Variants in ZNF518A observed in about 807,000 individuals in gnomAD.
The protein encoded by ZNF518A is zinc finger protein 518A, also known as zinc finger protein 518.
In ZNF518A, 47 loss-of-function variants were observed where a neutral mutation model predicts 102.7. That is an observed-to-expected ratio of 0.46 (90% CI 0.36 to 0.58). ZNF518A has a LOEUF of 0.58. ZNF518A is among the 20% of genes least tolerant of loss of function. The pLI, the probability that ZNF518A is intolerant of heterozygous loss-of-function variation, is 0.00. For synonymous variants in ZNF518A, 652 were observed against 594.6 expected (o/e 1.10, Z -1.40); for missense variants, 1,793 against 1,699.8 (o/e 1.05, Z -0.96).
chr10:96,194,338 AT>A (rs1353637385), intron 1 of ZNF518A, among the ~76,000 whole-genome samples: 10 of 152,228 alleles, frequency 6.6e-5, no homozygotes, highest in Non-Finnish European at 1.3e-4. Flanking sequence ...AGAGTTTTGC[AT>A]TTTAAAATTA....
chr10:96,187,065 C>G (rs2083275988), intron 1 of ZNF518A, among the ~76,000 whole-genome samples: 1 of 152,212 alleles, frequency 6.6e-6, no homozygotes, highest in Admixed American at 6.5e-5. Flanking sequence ...CAAAGACCCA[C>G]AGTTCTCATC....
chr10:96,188,291 T>C (rs1410723498), intron 1 of ZNF518A, among the ~76,000 whole-genome samples: 1 of 152,220 alleles, frequency 6.6e-6, no homozygotes, highest in Non-Finnish European at 1.5e-5. Flanking sequence ...CTCCCAGCTT[T>C]GGGGAGGAGT....
In ZNF518A at chr10:96,156,291, A is replaced by G. The variant is rs781985880; in HGVS notation, c.-32A>G. 5 of 1,529,770 alleles carry G rather than the reference A, an allele frequency of 3.3e-6. No homozygotes were observed. In the African/African-American group the frequency reaches 4.2e-5, roughly 13 times the overall value. The allele number at this position is 1,529,770 out of a possible 1,614,324, so 94.8% of individuals were successfully genotyped here. On this transcript the variant is annotated 5_prime_UTR_variant, in exon 6 of 6. Transcript: ENST00000316045. ...ACAGATAACTTCAAGAGTTTTCAGA[A>G]AAAAAGAAATTGGGACTTTTTTGGT...
rs1554886013 is a variant in ZNF518A, at chr10:96,159,395, C to G, written c.3073C>G (p.Pro1025Ala). ...KVEPNNNCLT[P>A]GLCSSIGSCL... ...AGAACCAAACAATAATTGTCTTACA[C>G]CTGGACTTTGTTCCAGCATTGGCAG... The change falls in exon 6 of 6, where the codon CCT (proline) becomes GCT (alanine). Residue 1025 changes from proline to alanine, a missense_variant. By Grantham distance (27) the Pro-to-Ala change is conservative. Around this residue, in one of 3 missense-constraint regions of ZNF518A, gnomAD observed 1,741 missense variants for 1,622.6 expected, o/e 1.07. Transcript: ENST00000316045. 2 of 1,613,768 alleles carry G rather than the reference C, an allele frequency of 1.2e-6. No individual in the cohort carries two copies. Among genetic ancestry groups the G allele is most frequent in the Non-Finnish European group, 1.7e-6 (2 of 1,179,796 alleles).
intron 1 of ZNF518A, among the ~76,000 whole-genome samples, chr10:96,191,418 A>G (rs2083327840): frequency 6.6e-6 from 1 of 152,142 alleles, no homozygotes; most frequent in South Asian, 2.1e-4. Flanking sequence ...ACAAGAACTT[A>G]TAGAAAGTTC....
Position 96,133,565 on chromosome 10 carries a change from A to G in ZNF518A, c.-367-18A>G, listed in dbSNP as rs1024482892. The G allele has an allele frequency of 6.6e-6, 1 of 152,082 alleles. No individual in the cohort carries two copies. The highest frequency in any genetic ancestry group is 2.4e-5 in the African/African-American group (1 of 41,404). The allele number at this position is 152,082 out of a possible 1,614,324, so 9.4% of individuals were successfully genotyped here. A position where few individuals can be genotyped will look rare whatever the true frequency, so the allele number is the denominator to read the frequency against. On this transcript the variant is annotated intron_variant, in intron 2 of 5. Transcript: ENST00000316045. ...TACCCTCAAAACACAGATGTCTCCTACTCTTTGTGTTGGATAGGTCCTGGG... is the reference window on the plus strand; with the variant it reads ...TACCCTCAAAACACAGATGTCTCCTGCTCTTTGTGTTGGATAGGTCCTGGG...
intron 3 of ZNF518A, among the ~76,000 whole-genome samples, chr10:96,141,586 T>G (rs1421189808): frequency 1.3e-5 from 2 of 152,216 alleles, no homozygotes; most frequent in African/African-American, 4.8e-5. Context: ...TTTTTAATTT[T>G]AAACTCCTTT....
downstream of ZNF518A, among the ~76,000 whole-genome samples, chr10:96,167,354 T>G (rs893654865): frequency 5.9e-5 from 9 of 152,156 alleles, no homozygotes; most frequent in Admixed American, 1.3e-4. Context: ...CTCAGGAGGC[T>G]GAGGCAGGAG....
At chr10:96,166,727 G>A (rs1289754051), downstream of ZNF518A, among the ~76,000 whole-genome samples, 5 of 152,016 alleles carry the variant, frequency 3.3e-5, no homozygotes, top group African/African-American at 7.2e-5. Flanking sequence ...AGATCGCACC[G>A]CTGCACTCCA....
intron 1 of ZNF518A, among the ~76,000 whole-genome samples, chr10:96,192,247 C>T (rs587632163): frequency 4.6e-5 from 7 of 152,304 alleles, no homozygotes. Context: ...AGGCTGTAAC[C>T]TTCAAGGTGG....
intron 1 of ZNF518A, among the ~76,000 whole-genome samples, chr10:96,181,050 G>A (rs61856977): frequency 0.051 from 7,754 of 152,316 alleles, 277 homozygotes; most frequent in Middle Eastern, 0.085. Flanking sequence ...ACTGGTGTAA[G>A]ATGGTATCTC....
At chr10:96,194,932 G>T (rs986655990) in intron 1 of ZNF518A, among the ~76,000 whole-genome samples, 4 of 151,074 alleles carry the variant, frequency 2.6e-5, no homozygotes, top group African/African-American at 9.7e-5. Context: ...CACCATGCCC[G>T]GCTAATTTTT....
At chr10:96,199,981 T>G (rs1413260677) in intron 1 of ZNF518A, 1 of 881,188 alleles carries the variant, frequency 1.1e-6, no homozygotes, top group Non-Finnish European at 1.5e-6. Context: ...TGAGCTGAGA[T>G]CGAGCCACTG....
chr10:96,144,244 C>T (rs1359712931), intron 3 of ZNF518A, among the ~76,000 whole-genome samples: 5 of 152,040 alleles, frequency 3.3e-5, no homozygotes, highest in African/African-American at 1.2e-4. Flanking sequence ...CCTTGGCTTC[C>T]CAAAGTGCTA....
In ZNF518A at chr10:96,157,889, G is replaced by A. The variant is rs201558707; in HGVS notation, c.1567G>A (p.Gly523Arg). ...PFSCSSSILS[G>R]KASSEKEMTL... ...TTCATGTTCATCTTCTATACTTTCA[G>A]GGAAAGCAAGTTCAGAAAAAGAAAT... Residue 523 changes from glycine to arginine, a missense_variant, in exon 6 of 6, where the codon GGG becomes AGG. By Grantham distance (125) the Gly-to-Arg change is moderately radical. Around this residue, in one of 3 missense-constraint regions of ZNF518A, gnomAD observed 1,741 missense variants for 1,622.6 expected, o/e 1.07. Transcript: ENST00000316045. The A allele has an allele frequency of 2.6e-5, 42 of 1,613,660 alleles. No individual in the cohort carries two copies. Among genetic ancestry groups the A allele is most frequent in the Non-Finnish European group, 1.7e-6 (2 of 1,179,782 alleles).
At chr10:96,129,918 A>G (rs1305496451), upstream of ZNF518A, 1 of 152,618 alleles carries the variant, frequency 6.6e-6, no homozygotes, top group Non-Finnish European at 1.5e-5. Context: ...TCAGCGGCGA[A>G]CCCAGCTCCA....
At position 96,160,390 on chromosome 10, in the gene ZNF518A, T is replaced by G. The variant is rs2082947912; in HGVS notation, c.4068T>G (p.Asp1356Glu). The G allele has an allele frequency of 6.2e-7, 1 of 1,613,374 alleles. No homozygotes were observed. The highest frequency in any genetic ancestry group is 1.1e-5 in the South Asian group (1 of 91,008). Residue 1356 changes from aspartate (D) to glutamate (E), a missense_variant, in exon 6 of 6, where the codon GAT becomes GAG. Physicochemically the swap from Asp to Glu is conservative, Grantham distance 45. This residue lies in a region of ZNF518A where 1,741 missense variants were observed against 1,622.6 expected (regional missense o/e 1.07). Coordinates refer to ENST00000316045, the MANE Select transcript of ZNF518A (RefSeq NM_001330736.2). ...TAGTTTTGAATCATCCTGACGCAGATGCACCAGAAGTAGTAAGTGTAATGA... is the reference window on the plus strand; with the variant it reads ...TAGTTTTGAATCATCCTGACGCAGAGGCACCAGAAGTAGTAAGTGTAATGA... Reference protein sequence around the residue: ...PVVVLNHPDADAPEVVSVMKT... With the variant: ...PVVVLNHPDAEAPEVVSVMKT...
chr10:96,160,165 T>C lies in ZNF518A; in HGVS notation c.3843T>C (p.Cys1281=). The C allele has an allele frequency of 1.2e-6, 2 of 1,609,668 alleles. No homozygotes were observed. The highest frequency in any genetic ancestry group is 1.7e-6 in the Non-Finnish European group (2 of 1,178,122). The change falls in exon 6 of 6, where the codon TGT becomes TGC. Residue 1281 remains cysteine, a synonymous_variant. Transcript: ENST00000316045. Reference sequence around the variant, plus strand: ...GAAACAGAAACTGTAAACGAAAGTGTAGGGATAGTTACCAAGAACCTCCAA... The same window carrying C: ...GAAACAGAAACTGTAAACGAAAGTGCAGGGATAGTTACCAAGAACCTCCAA... ...VSRNRNCKRK[C]RDSYQEPPRR... is the part of the protein sequence containing the mutation.
At chr10:96,171,137 A>G (rs1377633864) in intron 1 of ZNF518A, among the ~76,000 whole-genome samples, 1 of 152,138 alleles carries the variant, frequency 6.6e-6, no homozygotes, top group African/African-American at 2.4e-5. Context: ...GACTTCCTCA[A>G]TAGGTTACAT....
Sources: gnomAD v4.1 joint callset for allele counts (sites outside exome capture counted in the v4.1 genomes callset) on GRCh38, gnomAD v4.1.1 for gene constraint, gnomAD v4.1.1 regional missense constraint, MANE v1.5 for transcripts, NCBI Gene and HGNC (gene_info 2026-07-23, HGNC 2026-07-21) for gene names.